The following FAM210A variants were observed in gnomAD, a reference collection of about 807,000 sequenced individuals.
The protein encoded by FAM210A is mitochondrial inner membrane scaffold 1, also known as family with sequence similarity 210 member A.
In FAM210A, 13 loss-of-function variants were observed where a neutral mutation model predicts 25.3. The ratio of observed to expected loss-of-function variants is 0.51; its 90% CI spans 0.33 to 0.82. FAM210A has a LOEUF of 0.82. FAM210A is among the 40% of genes least tolerant of loss of function. FAM210A has a pLI of 0.02. For missense variants in FAM210A, 319 were observed against 323.2 expected (o/e 0.99, Z 0.10); for synonymous variants, 125 against 118.7 (o/e 1.05, Z -0.35).
intron 3 of FAM210A, chr18:13,670,774 C>T (rs1326060815): frequency 6.6e-6 from 1 of 152,280 alleles, no homozygotes; most frequent in African/African-American, 2.4e-5. Flanking sequence ...GCGGGCAGAT[C>T]ACCTGAGGTC....
At chr18:13,675,614 G>A (rs62084845) in intron 2 of FAM210A, among the ~76,000 whole-genome samples, 43,131 of 95,350 alleles carry the variant, frequency 0.45, 11,057 homozygotes, top group East Asian at 0.84. Context: ...CTGAGCCCTG[G>A]CCTCTTTATT....
intron 1 of FAM210A, among the ~76,000 whole-genome samples, chr18:13,692,015 A>C (rs1395820803): frequency 6.8e-6 from 1 of 146,440 alleles, no homozygotes; most frequent in Non-Finnish European, 1.5e-5. Context: ...CCCATCTCAC[A>C]TGCAGAGACA....
At chr18:13,674,205 ATTAT>A (rs2043472061) in intron 2 of FAM210A, among the ~76,000 whole-genome samples, 1 of 141,194 alleles carries the variant, frequency 7.1e-6, no homozygotes, top group East Asian at 2.2e-4. Flanking sequence ...CTGTTTCCTG[ATTAT>A]TAACATTCCT....
chr18:13,707,059 A>G (rs1481863182), intron 1 of FAM210A, among the ~76,000 whole-genome samples: 1 of 152,206 alleles, frequency 6.6e-6, no homozygotes, highest in Admixed American at 6.5e-5. Flanking sequence ...TCATGTAGCC[A>G]TCTCTAAAAC....
intron 1 of FAM210A, among the ~76,000 whole-genome samples, chr18:13,693,555 T>G (rs1568483511): frequency 6.6e-5 from 10 of 152,216 alleles, no homozygotes; most frequent in Admixed American, 6.5e-4. Flanking sequence ...CAGGATCAAG[T>G]TGGCTTCATA....
intron 1 of FAM210A, among the ~76,000 whole-genome samples, chr18:13,723,721 G>A: frequency 6.6e-6 from 1 of 152,104 alleles, no homozygotes; most frequent in Non-Finnish European, 1.5e-5. Context: ...TAAATAACTA[G>A]GTATTATAGC....
chr18:13,710,019 AG>A (rs2043809049), intron 1 of FAM210A, among the ~76,000 whole-genome samples: 1 of 152,126 alleles, frequency 6.6e-6, no homozygotes, highest in Non-Finnish European at 1.5e-5. Flanking sequence ...TAACCAGGGG[AG>A]GAATTTAGTT....
At chr18:13,699,568 C>T (rs2043722358) in intron 1 of FAM210A, among the ~76,000 whole-genome samples, 1 of 152,038 alleles carries the variant, frequency 6.6e-6, no homozygotes, top group Non-Finnish European at 1.5e-5. Context: ...GGATCTAAGC[C>T]ATGGTTATTA....
chr18:13,683,615 C>T (rs867495604), intron 1 of FAM210A, among the ~76,000 whole-genome samples: 35 of 150,812 alleles, frequency 2.3e-4, no homozygotes, highest in African/African-American at 7.8e-4. Flanking sequence ...AATTACTTAG[C>T]CTCTCTAGAC....
intron 1 of FAM210A, among the ~76,000 whole-genome samples, chr18:13,689,681 T>A (rs1766917769): frequency 6.6e-6 from 1 of 152,128 alleles, no homozygotes; most frequent in Admixed American, 6.6e-5. Context: ...AGAAAAAAAA[T>A]TTAAAAAGTA....
At chr18:13,711,939 C>T (rs929229287) in intron 1 of FAM210A, among the ~76,000 whole-genome samples, 3 of 152,188 alleles carry the variant, frequency 2.0e-5, no homozygotes, top group African/African-American at 7.2e-5. Context: ...AGCCAAGGAT[C>T]TTCCTATTCC....
chr18:13,713,579 A>C (rs911315480), intron 1 of FAM210A, among the ~76,000 whole-genome samples: 1 of 152,212 alleles, frequency 6.6e-6, no homozygotes, highest in African/African-American at 2.4e-5. Flanking sequence ...CTGGTGAGTG[A>C]GCACAGACCA....
In FAM210A at chr18:13,681,762, G is replaced by C. The variant is rs2149056755; in HGVS notation, c.316C>G (p.Pro106Ala). The change falls in exon 2 of 4, where the codon CCG (proline) becomes GCG (alanine). Residue 106 changes from proline (P) to alanine (A), a missense_variant. Coordinates refer to ENST00000651643, the MANE Select transcript of FAM210A (RefSeq NM_152352.4). The part of the protein sequence containing the change: ...FSSSATAQGT[P>A]EKKEEPDPLQ... The stretch of plus-strand genomic sequence containing the variant: ...GGATCAGGCTCTTCCTTTTTTTCCG[G>C]AGTTCCCTGAGCTGTGGCACTGGAT... 6.2e-7 allele frequency: 1 copy of C among 1,613,906 alleles called. No individual in the cohort carries two copies. Among genetic ancestry groups the C allele is most frequent in the East Asian group, 2.2e-5 (1 of 44,886 alleles).
chr18:13,666,535 G>A lies in FAM210A; in HGVS notation c.764C>T (p.Thr255Ile), dbSNP rs755954474. ...TTCTTTGGTTTCTTGTAACTTTTCA[G>A]TGAGTCTATCTTTTGTTTCTTCCAT... ...EKMEETKDRL[T>I]EKLQETKEKV... is the part of the protein sequence containing the mutation. Residue 255 changes from threonine to isoleucine, a missense_variant, in exon 4 of 4, where the codon ACT becomes ATT. Coordinates refer to ENST00000651643, the MANE Select transcript of FAM210A (RefSeq NM_152352.4). 1.9e-6 allele frequency: 3 copies of A among 1,613,910 alleles called. No individual in the cohort carries two copies. Among genetic ancestry groups the A allele is most frequent in the Admixed American group, 3.3e-5 (2 of 59,990 alleles).
chr18:13,707,395 G>T, intron 1 of FAM210A, among the ~76,000 whole-genome samples: 1 of 152,210 alleles, frequency 6.6e-6, no homozygotes, highest in East Asian at 1.9e-4. Context: ...ATAGATCCTA[G>T]ACCAGAACAG....
chr18:13,707,769 A>G (rs1176201190), intron 1 of FAM210A, among the ~76,000 whole-genome samples: 1 of 152,230 alleles, frequency 6.6e-6, no homozygotes, highest in Non-Finnish European at 1.5e-5. Context: ...GTCTTGGCCA[A>G]TCCCAGTGGC....
intron 2 of FAM210A, among the ~76,000 whole-genome samples, chr18:13,681,037 C>T (rs1486516481): frequency 2.6e-5 from 4 of 152,160 alleles, no homozygotes; most frequent in Non-Finnish European, 5.9e-5. Flanking sequence ...CGGACTTTGG[C>T]AAAATCTTGC....
At chr18:13,673,109 T>C (rs1177960005) in intron 2 of FAM210A, among the ~76,000 whole-genome samples, 3 of 151,966 alleles carry the variant, frequency 2.0e-5, no homozygotes, top group Admixed American at 6.5e-5. Flanking sequence ...TTATTAAGTC[T>C]TGAGCCATGA....
chr18:13,702,403 G>A (rs2043747771), intron 1 of FAM210A, among the ~76,000 whole-genome samples: 1 of 152,212 alleles, frequency 6.6e-6, no homozygotes, highest in South Asian at 2.1e-4. Flanking sequence ...AACCCCATAA[G>A]CCCGCTGCTC....
Sources: gnomAD v4.1 joint callset for allele counts (sites outside exome capture counted in the v4.1 genomes callset) on GRCh38, gnomAD v4.1.1 for gene constraint, MANE v1.5 for transcripts, NCBI Gene and HGNC (gene_info 2026-07-23, HGNC 2026-07-21) for gene names.